Variants in INKA2 observed in about 807,000 individuals in gnomAD.
INKA2 encodes inka box actin regulator 2, also known as PAK4-inhibitor INKA2.
A neutral mutation model predicts 9.8 loss-of-function variants in INKA2; 3 were observed. That is an observed-to-expected ratio of 0.31 (90% CI 0.14 to 0.79). INKA2 has a LOEUF of 0.79. Ranked by LOEUF, INKA2 falls within the 30% of genes least tolerant of loss-of-function variation. The probability of loss-of-function intolerance (pLI) is 0.62; values close to 1 mark genes in which losing one functional copy is unlikely to be tolerated. For synonymous variants in INKA2, 147 were observed against 143.3 expected (o/e 1.03, Z -0.18); for missense variants, 392 against 384.4 (o/e 1.02, Z -0.17).
intron 1 of INKA2, among the ~76,000 whole-genome samples, chr1:111,748,775 T>C: frequency 6.6e-6 from 1 of 152,198 alleles, no homozygotes; most frequent in East Asian, 1.9e-4. Flanking sequence ...ACCCAGTTGC[T>C]GTATCCATCC....
intron 1 of INKA2, among the ~76,000 whole-genome samples, chr1:111,734,532 C>T (rs74546596): frequency 6.6e-6 from 1 of 152,134 alleles, no homozygotes; most frequent in African/African-American, 2.4e-5. Flanking sequence ...TTCTGGATCC[C>T]AGGGCTGCTC....
At chr1:111,747,730 G>A (rs2295044) in intron 1 of INKA2, 5,108 of 152,358 alleles carry the variant, frequency 0.034, 123 homozygotes, top group East Asian at 0.072. Context: ...TGGGAAAGGG[G>A]TGGATGTGTC....
intron 1 of INKA2, among the ~76,000 whole-genome samples, chr1:111,733,939 C>T (rs1301816880): frequency 6.6e-6 from 1 of 152,196 alleles, no homozygotes; most frequent in Non-Finnish European, 1.5e-5. Flanking sequence ...GCCTCACTTC[C>T]CCCACCCCAT....
chr1:111,728,474 C>T (rs1272158900), intron 1 of INKA2, among the ~76,000 whole-genome samples: 1 of 152,122 alleles, frequency 6.6e-6, no homozygotes, highest in Non-Finnish European at 1.5e-5. Flanking sequence ...ACGGTACTGT[C>T]CCACTCCAGA....
In INKA2 at chr1:111,727,814, A is replaced by T; in HGVS notation, c.58-10T>A. 6.2e-7 allele frequency: 1 copy of T among 1,601,362 alleles called. No homozygotes were observed. Among genetic ancestry groups the T allele is most frequent in the Non-Finnish European group, 8.5e-7 (1 of 1,179,548 alleles). ...CCTCCTTCATGGACATCTGCAGGGGAGAGAGAAAGCATGGGGCCTATGAGC... is the reference window on the plus strand; with the variant it reads ...CCTCCTTCATGGACATCTGCAGGGGTGAGAGAAAGCATGGGGCCTATGAGC... On this transcript the variant is annotated splice_polypyrimidine_tract_variant and intron_variant, in intron 1 of 1. Transcript: ENST00000357260.
At chr1:111,729,134 G>C (rs1662852436) in intron 1 of INKA2, among the ~76,000 whole-genome samples, 2 of 152,254 alleles carry the variant, frequency 1.3e-5, no homozygotes, top group East Asian at 1.9e-4. Flanking sequence ...GGCTGAAAAG[G>C]GCATTAGTGG....
At position 111,722,896 on chromosome 1, in the gene INKA2, T is replaced by G; in HGVS notation, c.*4072A>C. The G allele has an allele frequency of 3.6e-6, 2 of 559,742 alleles. No individual in the cohort carries two copies. The highest frequency in any genetic ancestry group is 4.3e-5 in the South Asian group (2 of 46,480). The allele number at this position is 559,742 out of a possible 1,614,324, so 34.7% of individuals were successfully genotyped here. On this transcript the variant is annotated 3_prime_UTR_variant, in exon 2 of 2. Transcript: ENST00000357260. ...TGGGTTGTCCAGTATCTGCTGAGCT[T>G]CTGCTGTATTCCAGGCAGTGCTTGG... is the stretch of plus-strand genomic sequence containing the variant.
In INKA2 at chr1:111,739,390, A is replaced by C; in HGVS notation, c.-148T>G. 1.3e-6 allele frequency: 2 copies of C among 1,491,018 alleles called. No individual in the cohort carries two copies. The highest frequency in any genetic ancestry group is 1.8e-6 in the Non-Finnish European group (2 of 1,120,840). The allele number at this position is 1,491,018 out of a possible 1,614,324, so 92.4% of individuals were successfully genotyped here. A position where few individuals can be genotyped will look rare whatever the true frequency, so the allele number is the denominator to read the frequency against. On this transcript the variant is annotated 5_prime_UTR_variant, in exon 1 of 2. Transcript: ENST00000357260. ...AGCCTGCGCTCCGAGCCCGGGACTCAGAGTCGCTTCCCCAGCGGCTAGCCG... is the reference window on the plus strand; with the variant it reads ...AGCCTGCGCTCCGAGCCCGGGACTCCGAGTCGCTTCCCCAGCGGCTAGCCG...
intron 1 of INKA2, among the ~76,000 whole-genome samples, chr1:111,728,365 G>A (rs1427115050): frequency 2.0e-5 from 3 of 152,110 alleles, no homozygotes; most frequent in African/African-American, 7.2e-5. Flanking sequence ...TATATAGACC[G>A]TATGAGGTTG....
rs1662737204 is a variant in INKA2 at position 111,725,045 on chromosome 1, C to G, written c.*1923G>C. ...AGCTCCCCCACCAAAAATGAAACATCTTACCATTTGACTGGGTAGGATTTG... is the reference window on the plus strand; with the variant it reads ...AGCTCCCCCACCAAAAATGAAACATGTTACCATTTGACTGGGTAGGATTTG... On this transcript the variant is annotated 3_prime_UTR_variant, in exon 2 of 2. Transcript: ENST00000357260. 1 of 152,254 alleles carries G rather than the reference C, an allele frequency of 6.6e-6. No individual in the cohort carries two copies. The highest frequency in any genetic ancestry group is 6.5e-5 in the Admixed American group (1 of 15,278). The allele number at this position is 152,254 out of a possible 1,614,324, so 9.4% of individuals were successfully genotyped here.
At chr1:111,739,022 T>G (rs762336359) in intron 1 of INKA2, among the ~76,000 whole-genome samples, 164 bp downstream of exon 1, 2 of 152,052 alleles carry the variant, frequency 1.3e-5, no homozygotes, top group Non-Finnish European at 2.9e-5. Context: ...TCCCCTTTCC[T>G]GAGGACAAGC....
chr1:111,722,290 T>TAGG lies in INKA2; in HGVS notation c.*4675_*4677dup, dbSNP rs1662666366. On this transcript the variant is annotated 3_prime_UTR_variant, in exon 2 of 2. Coordinates refer to ENST00000357260, the MANE Select transcript of INKA2 (RefSeq NM_019099.5). ...CACCCCATCAGGAGGGAATGGATTT[T>TAGG]AGGAGGACAGCCACAGCACCTTTAG... is the stretch of plus-strand genomic sequence containing the variant. The TAGG allele has an allele frequency of 6.6e-6, 1 of 152,246 alleles. No homozygotes were observed. Among genetic ancestry groups the TAGG allele is most frequent in the African/African-American group, 2.4e-5 (1 of 41,388 alleles). The allele number at this position is 152,246 out of a possible 1,614,324, so 9.4% of individuals were successfully genotyped here. A position where few individuals can be genotyped will look rare whatever the true frequency, so the allele number is the denominator to read the frequency against.
rs1662661996 is a variant in INKA2 at position 111,722,115 on chromosome 1, A to C, written c.*4853T>G. 1 of 152,228 alleles carries C rather than the reference A, an allele frequency of 6.6e-6. No homozygotes were observed. The highest frequency in any genetic ancestry group is 2.1e-4 in the South Asian group (1 of 4,828). 9.4% of individuals were successfully genotyped at this position (152,228 alleles called of 1,614,324 possible). A position where few individuals can be genotyped will look rare whatever the true frequency, so the allele number is the denominator to read the frequency against. On this transcript the variant is annotated 3_prime_UTR_variant, in exon 2 of 2. Transcript: ENST00000357260. Reference sequence around the variant, plus strand: ...GGGGTTGGGTGGAGGAGGCAAAAGGAAGGCAAGGGACATCCTAGTAATCGT... The same window carrying C: ...GGGGTTGGGTGGAGGAGGCAAAAGGCAGGCAAGGGACATCCTAGTAATCGT...
chr1:111,727,063 C>G lies in INKA2; in HGVS notation c.799G>C (p.Glu267Gln), dbSNP rs371003046. The G allele has an allele frequency of 1.6e-5, 26 of 1,614,096 alleles. No individual in the cohort carries two copies. The highest frequency in any genetic ancestry group is 2.0e-5 in the Non-Finnish European group (24 of 1,180,038). Residue 267 changes from glutamate (E) to glutamine (Q), a missense_variant, in exon 2 of 2, where the codon GAG becomes CAG. Transcript: ENST00000357260. ...SGHFPFPGTG[E>Q]HRRGENPPTS... Reference sequence around the variant, plus strand: ...GGGGGATTCTCCCCTCGCCTGTGCTCCCCGGTGCCTGGGAAGGGGAAATGT... The same window carrying G: ...GGGGGATTCTCCCCTCGCCTGTGCTGCCCGGTGCCTGGGAAGGGGAAATGT...
chr1:111,727,454 C>T lies in INKA2; in HGVS notation c.408G>A (p.Val136=). The part of the protein sequence containing the change: ...QSCAQQGPER[V]EPDDWTSTLM... Reference sequence around the variant, plus strand: ...ACGTGGAGGTCCAGTCATCCGGTTCCACTCGCTCTGGCCCCTGCTGAGCAC... The same window carrying T: ...ACGTGGAGGTCCAGTCATCCGGTTCTACTCGCTCTGGCCCCTGCTGAGCAC... The change falls in exon 2 of 2, where the codon GTG becomes GTA. Residue 136 remains valine (V), a synonymous_variant. Transcript: ENST00000357260. The T allele has an allele frequency of 6.2e-7, 1 of 1,614,232 alleles. No homozygotes were observed. The highest frequency in any genetic ancestry group is 8.5e-7 in the Non-Finnish European group (1 of 1,180,046).
chr1:111,722,808 G>A lies in INKA2; in HGVS notation c.*4160C>T. The A allele has an allele frequency of 2.2e-6, 1 of 444,680 alleles. No homozygotes were observed. The highest frequency in any genetic ancestry group is 4.2e-5 in the East Asian group (1 of 23,672). The allele number at this position is 444,680 out of a possible 1,614,324, so 27.5% of individuals were successfully genotyped here. A position where few individuals can be genotyped will look rare whatever the true frequency, so the allele number is the denominator to read the frequency against. On this transcript the variant is annotated 3_prime_UTR_variant, in exon 2 of 2. Coordinates refer to ENST00000357260, the MANE Select transcript of INKA2 (RefSeq NM_019099.5). Reference sequence around the variant, plus strand: ...ACAGAAGAAGAGACCAACGCTCAGAGAAAGCACTTTTTCTTAAGCACTTTT... The same window carrying A: ...ACAGAAGAAGAGACCAACGCTCAGAAAAAGCACTTTTTCTTAAGCACTTTT...
chr1:111,736,551 T>A (rs1381996491), intron 1 of INKA2, among the ~76,000 whole-genome samples: 2 of 152,232 alleles, frequency 1.3e-5, no homozygotes, highest in Non-Finnish European at 2.9e-5. Context: ...GTCTGCAGAA[T>A]GTGTGATTCT....
intron 1 of INKA2, among the ~76,000 whole-genome samples, chr1:111,752,308 C>CT (rs1663428500): frequency 6.6e-6 from 1 of 152,198 alleles, no homozygotes; most frequent in African/African-American, 2.4e-5. Flanking sequence ...ATCTTGATGG[C>CT]TAAGTCTTTC....
chr1:111,752,195 C>G (rs927883581), intron 1 of INKA2, among the ~76,000 whole-genome samples: 3 of 152,218 alleles, frequency 2.0e-5, no homozygotes, highest in Non-Finnish European at 4.4e-5. Context: ...TGGATCAGGG[C>G]TGTTTATCAG....
Sources: gnomAD v4.1 joint callset for allele counts (sites outside exome capture counted in the v4.1 genomes callset) on GRCh38, gnomAD v4.1.1 for gene constraint, MANE v1.5 for transcripts, NCBI Gene and HGNC (gene_info 2026-07-23, HGNC 2026-07-21) for gene names.